Variants in NCK1 observed in about 807,000 individuals in gnomAD.
NCK1 encodes the protein SH2/SH3 adapter protein NCK1.
A neutral mutation model predicts 36.6 loss-of-function variants in NCK1; 19 were observed. That is an observed-to-expected ratio of 0.52 (90% confidence interval 0.36 to 0.76). NCK1 has a LOEUF of 0.76. Among genes scored for constraint, NCK1 ranks in the 30% least tolerant of loss-of-function variants. The pLI is 0.00. For synonymous variants in NCK1, 165 were observed against 156.0 expected, an observed-to-expected ratio of 1.06 and a Z score of -0.43; for missense variants, 358 against 445.6, an observed-to-expected ratio of 0.80 and a Z score of 1.77.
chr3:136,930,375 T>C (rs1576984726), intron 2 of NCK1: 2 of 1,070,014 alleles, frequency 1.9e-6, no homozygotes, highest in East Asian at 3.3e-5. Flanking sequence ...GGCTGTGTTA[T>C]AATTTAGAGG....
chr3:136,909,192 AAGAC>A (rs1254700533), intron 1 of NCK1, among the ~76,000 whole-genome samples: 1 of 152,208 alleles, frequency 6.6e-6, no homozygotes, highest in Non-Finnish European at 1.5e-5. Flanking sequence ...AAAATGGACT[AAGAC>A]AGTAAGAGAG....
At chr3:136,917,609 C>G (rs1167965087) in intron 1 of NCK1, among the ~76,000 whole-genome samples, 1 of 152,166 alleles carries the variant, frequency 6.6e-6, no homozygotes, top group Non-Finnish European at 1.5e-5. Flanking sequence ...TAGTTCATAT[C>G]TTACACTTTT....
chr3:136,899,194 C>A, intron 1 of NCK1: 1 of 226,344 alleles, frequency 4.4e-6, no homozygotes. Context: ...GCTGCTACTT[C>A]CAGATGCTGG....
chr3:136,891,844 T>G (rs896078849), intron 1 of NCK1, among the ~76,000 whole-genome samples: 1 of 152,246 alleles, frequency 6.6e-6, no homozygotes, highest in Non-Finnish European at 1.5e-5. Flanking sequence ...ATATCTTCTT[T>G]GGAGAAGTGT....
chr3:136,901,543 T>G (rs1440110634), intron 1 of NCK1, among the ~76,000 whole-genome samples: 1 of 152,140 alleles, frequency 6.6e-6, no homozygotes, highest in East Asian at 1.9e-4. Flanking sequence ...TATTACTGAT[T>G]AAATGTCTTT....
At chr3:136,897,701 G>C (rs745898366) in intron 1 of NCK1, among the ~76,000 whole-genome samples, 1 of 152,026 alleles carries the variant, frequency 6.6e-6, no homozygotes, top group African/African-American at 2.4e-5. Context: ...TTAGACAAAT[G>C]CTCACTTTAA....
At chr3:136,901,471 G>A (rs1576964270) in intron 1 of NCK1, among the ~76,000 whole-genome samples, 1 of 151,960 alleles carries the variant, frequency 6.6e-6, no homozygotes, top group East Asian at 1.9e-4. Flanking sequence ...TCTTCTATGA[G>A]TGTTTGGTAG....
chr3:136,923,071 A>G (rs1451502819), intron 1 of NCK1, among the ~76,000 whole-genome samples: 2 of 152,190 alleles, frequency 1.3e-5, no homozygotes, highest in East Asian at 1.9e-4. Flanking sequence ...CTGAAAATGA[A>G]AAGATTCAGG....
chr3:136,910,423 C>T (rs895480581), intron 1 of NCK1, among the ~76,000 whole-genome samples: 1 of 152,128 alleles, frequency 6.6e-6, no homozygotes, highest in Admixed American at 6.5e-5. Context: ...TACAATTATT[C>T]TAGCTTTTAG....
chr3:136,938,086 C>T lies in NCK1; in HGVS notation c.227-7497C>T, dbSNP rs562398529. ...ATATTGAGGAAATTCCCTTCTAATC[C>T]TAGTTTGCTGAGCATTGTTATCATG... On this transcript the variant is annotated intron_variant, in intron 2 of 3. Transcript: ENST00000481752. Among the ~76,000 whole-genome samples the T allele has an allele frequency of 1.8e-4, 28 of 152,218 alleles. No homozygotes were observed. The Middle Eastern group carries it at 0.01, about 55-fold the overall frequency.
intron 1 of NCK1, among the ~76,000 whole-genome samples, chr3:136,915,935 A>G (rs1307795730): frequency 6.6e-6 from 1 of 152,134 alleles, no homozygotes. Flanking sequence ...CACGTTGGCC[A>G]TGCTGGTCTC....
intron 1 of NCK1, among the ~76,000 whole-genome samples, chr3:136,891,255 C>T (rs1939236763): frequency 6.6e-6 from 1 of 152,244 alleles, no homozygotes; most frequent in African/African-American, 2.4e-5. Flanking sequence ...CTGCCTCAGC[C>T]TCCCAAGTAG....
chr3:136,935,604 T>A (rs1374582239), intron 2 of NCK1, among the ~76,000 whole-genome samples: 1 of 152,108 alleles, frequency 6.6e-6, no homozygotes, highest in Non-Finnish European at 1.5e-5. Context: ...AAACCTCTGG[T>A]ACAACATAAT....
chr3:136,865,779 C>CT (rs749254667), intron 1 of NCK1, among the ~76,000 whole-genome samples: 1 of 152,168 alleles, frequency 6.6e-6, no homozygotes, highest in Non-Finnish European at 1.5e-5. Flanking sequence ...TTTAAGGAAA[C>CT]TTTATGTCTG....
At chr3:136,885,276 T>C (rs1432958272) in intron 1 of NCK1, among the ~76,000 whole-genome samples, 1 of 152,170 alleles carries the variant, frequency 6.6e-6, no homozygotes, top group African/African-American at 2.4e-5. Context: ...TCTTCTTTAA[T>C]GTATGTTTGA....
chr3:136,911,711 C>A (rs1195951880), intron 1 of NCK1, among the ~76,000 whole-genome samples: 1 of 152,178 alleles, frequency 6.6e-6, no homozygotes, highest in Admixed American at 6.5e-5. Flanking sequence ...TAATTGTTTG[C>A]TGTGCAGTTG....
intron 1 of NCK1, among the ~76,000 whole-genome samples, chr3:136,875,969 C>T (rs545563637): frequency 7.3e-4 from 111 of 152,224 alleles, no homozygotes; most frequent in Non-Finnish European, 1.5e-5. Flanking sequence ...GGCCACAGTG[C>T]AATCAAACTA....
intron 1 of NCK1, among the ~76,000 whole-genome samples, chr3:136,923,664 G>A (rs2108124964): frequency 6.6e-6 from 1 of 152,204 alleles, no homozygotes; most frequent in African/African-American, 2.4e-5. Flanking sequence ...CTCTCTAAAT[G>A]TTTTAAATAT....
At chr3:136,917,713 C>T (rs1329062978) in intron 1 of NCK1, among the ~76,000 whole-genome samples, 1 of 152,178 alleles carries the variant, frequency 6.6e-6, no homozygotes, top group East Asian at 1.9e-4. Flanking sequence ...GTAAAGGTCA[C>T]GTTTCTTTAT....
Sources: allele counts gnomAD v4.1 joint callset (sites outside exome capture counted in the v4.1 genomes callset), GRCh38; gene constraint gnomAD v4.1.1; transcripts MANE v1.5; gene names NCBI Gene and HGNC (gene_info 2026-07-23, HGNC 2026-07-21).